Variants in PHTF2 observed in about 807,000 individuals in gnomAD.
PHTF2 encodes the protein protein PHTF2.
In PHTF2, 60 loss-of-function variants were observed where a neutral mutation model predicts 101.2. The observed-to-expected ratio is 0.59, with a 90% CI of 0.48 to 0.73. The LOEUF (loss-of-function observed/expected upper bound fraction) is 0.73, where lower values mean the gene tolerates loss of function less well. Ranked by LOEUF, PHTF2 falls within the 30% of genes least tolerant of loss-of-function variation. The pLI is 0.00. For synonymous variants in PHTF2, 311 were observed against 307.3 expected (o/e 1.01, Z -0.13); for missense variants, 747 against 908.7 (o/e 0.82, Z 2.29).
chr7:77,810,695 A>T (rs2150486004), intron 1 of PHTF2, among the ~76,000 whole-genome samples: 2 of 150,616 alleles, frequency 1.3e-5, no homozygotes, highest in South Asian at 4.2e-4. Context: ...GTACCACTGC[A>T]CCTGGCTAAT....
chr7:77,800,732 G>A (rs1358570699), intron 1 of PHTF2, among the ~76,000 whole-genome samples: 1 of 152,112 alleles, frequency 6.6e-6, no homozygotes. Context: ...GGTGTCATGT[G>A]GATAAAATGA....
At chr7:77,950,052 C>G (rs1296715605) in intron 17 of PHTF2, among the ~76,000 whole-genome samples, 4 of 151,970 alleles carry the variant, frequency 2.6e-5, no homozygotes, top group African/African-American at 9.7e-5. Context: ...TTTTATTTGA[C>G]AAGAAGGAAG....
chr7:77,922,693 C>T (rs544133591), exon 11 of PHTF2: 7 of 1,609,762 alleles, frequency 4.3e-6, no homozygotes, highest in Non-Finnish European at 5.9e-6. Flanking sequence ...ACAGGATACT[C>T]ATTACGTCGT....
At chr7:77,802,438 C>A (rs544149453) in intron 1 of PHTF2, among the ~76,000 whole-genome samples, 1 of 152,228 alleles carries the variant, frequency 6.6e-6, no homozygotes, top group South Asian at 2.1e-4. Flanking sequence ...CATCCCTTAA[C>A]CCCTTTACCT....
chr7:77,900,382 T>G (rs919558038), intron 5 of PHTF2, among the ~76,000 whole-genome samples: 2 of 152,214 alleles, frequency 1.3e-5, no homozygotes, highest in Non-Finnish European at 2.9e-5. Context: ...GCTCTCCAAA[T>G]GCCAATATGG....
chr7:77,952,832 CTCTCTCTTT>C (rs1269201755), intron 18 of PHTF2, among the ~76,000 whole-genome samples: 1 of 152,160 alleles, frequency 6.6e-6, no homozygotes, highest in East Asian at 1.9e-4. Context: ...CCTTCTTTCT[CTCTCTCTTT>C]ACAGCCAAGA....
chr7:77,818,299 T>C (rs1794013917), intron 1 of PHTF2, among the ~76,000 whole-genome samples: 2 of 152,252 alleles, frequency 1.3e-5, no homozygotes, highest in South Asian at 4.1e-4. Flanking sequence ...TTGTTGCCTA[T>C]GTTTTTGAGG....
chr7:77,817,049 A>T (rs995079877), intron 1 of PHTF2, among the ~76,000 whole-genome samples: 1 of 152,190 alleles, frequency 6.6e-6, no homozygotes, highest in Non-Finnish European at 1.5e-5. Flanking sequence ...TGTCTCATCA[A>T]TATACTGATT....
intron 1 of PHTF2, among the ~76,000 whole-genome samples, chr7:77,820,583 G>C (rs909184480): frequency 3.9e-5 from 6 of 151,968 alleles, no homozygotes; most frequent in Admixed American, 3.9e-4. Flanking sequence ...TTGCTTTGTT[G>C]CCCAGGCTGG....
rs561031820 is a variant in PHTF2, at chr7:77,811,874, C to T, written c.-36+12903C>T. Among the ~76,000 whole-genome samples the T allele has an allele frequency of 5.9e-5, 9 of 152,098 alleles. No homozygotes were observed. In the South Asian group the frequency reaches 1.9e-3, roughly 32 times the overall value. ...AGTGGACGTAAAGTATATATGTATA[C>T]GGATGAGTATATATGTGGTGGGTGT... On this transcript the variant is annotated intron_variant, in intron 1 of 19. Coordinates refer to ENST00000416283, the Ensembl canonical transcript of PHTF2.
At chr7:77,915,114 G>C (rs977559183) in intron 9 of PHTF2, among the ~76,000 whole-genome samples, 3 of 151,830 alleles carry the variant, frequency 2.0e-5, no homozygotes, top group African/African-American at 7.3e-5. Context: ...GTTTCACCGT[G>C]TTGGCTGGGA....
At chr7:77,871,284 A>C (rs6948656) in intron 3 of PHTF2, among the ~76,000 whole-genome samples, 23,374 of 152,098 alleles carry the variant, frequency 0.15, 2,501 homozygotes, top group African/African-American at 0.3. Flanking sequence ...GTATTCCATG[A>C]ATACTCTTCC....
intron 3 of PHTF2, among the ~76,000 whole-genome samples, chr7:77,881,929 C>T (rs563697368): frequency 2.0e-5 from 3 of 152,264 alleles, no homozygotes; most frequent in Admixed American, 1.3e-4. Flanking sequence ...GGATTTATAA[C>T]TTCTGAGAGG....
chr7:77,901,933 G>T lies in PHTF2; in HGVS notation c.445+13G>T. On this transcript the variant is annotated intron_variant, in intron 7 of 19. Coordinates refer to ENST00000416283, the Ensembl canonical transcript of PHTF2. ...TATCTTCTTCAAGGTATAATTAAGTGATTTTTGCTTTTACTTTTCAGAATG... is the reference window on the plus strand; with the variant it reads ...TATCTTCTTCAAGGTATAATTAAGTTATTTTTGCTTTTACTTTTCAGAATG... 6.6e-7 allele frequency: 1 copy of T among 1,520,188 alleles called. No individual in the cohort carries two copies. The highest frequency in any genetic ancestry group is 2.3e-5 in the East Asian group (1 of 42,942). The allele number at this position is 1,520,188 out of a possible 1,614,324, so 94.2% of individuals were successfully genotyped here.
At chr7:77,895,795 A>G (rs754990547) in intron 5 of PHTF2, 3 of 152,162 alleles carry the variant, frequency 2.0e-5, no homozygotes, top group Non-Finnish European at 4.4e-5. Flanking sequence ...AGGACCTACA[A>G]CTTCTTTCTG....
chr7:77,932,508 G>C (rs1273304702), intron 12 of PHTF2, among the ~76,000 whole-genome samples: 1 of 151,926 alleles, frequency 6.6e-6, no homozygotes, highest in Non-Finnish European at 1.5e-5. Flanking sequence ...GGAGGCTTTT[G>C]GATGGTGGTG....
exon 10 of PHTF2, chr7:77,920,384 A>G (rs371306987): frequency 8.1e-6 from 13 of 1,613,144 alleles, no homozygotes; most frequent in Middle Eastern, 1.6e-4. Flanking sequence ...ATGGAATACA[A>G]AACCATGAAC....
At chr7:77,881,818 A>G (rs781672704) in intron 3 of PHTF2, among the ~76,000 whole-genome samples, 1 of 152,136 alleles carries the variant, frequency 6.6e-6, no homozygotes, top group Non-Finnish European at 1.5e-5. Context: ...TGTACATTTT[A>G]TCTTACAAAC....
At chr7:77,937,832 G>T in exon 13 of PHTF2, 1 of 1,501,256 alleles carries the variant, frequency 6.7e-7, no homozygotes, top group South Asian at 1.4e-5. Flanking sequence ...GAATGATAAT[G>T]AACAGAGTGA....
Sources: allele counts gnomAD v4.1 joint callset (sites outside exome capture counted in the v4.1 genomes callset), GRCh38; gene constraint gnomAD v4.1.1; transcripts MANE v1.5; gene names NCBI Gene and HGNC (gene_info 2026-07-23, HGNC 2026-07-21).